UBE2E2: variants seen among roughly 807,000 people sequenced by gnomAD.
UBE2E2 encodes ubiquitin-conjugating enzyme E2 E2.
UBE2E2 carries 6 observed loss-of-function variants against 24.7 expected under a neutral mutation model. The observed-to-expected ratio is 0.24, with a 90% CI of 0.13 to 0.48. The LOEUF is 0.48. UBE2E2 is among the 20% of genes least tolerant of loss of function. The pLI, the probability that UBE2E2 is intolerant of heterozygous loss-of-function variation, is 0.99. For missense variants in UBE2E2, 169 were observed against 245.0 expected (o/e 0.69, Z 2.07); for synonymous variants, 104 against 83.6 (o/e 1.24, Z -1.33).
chr3:23,293,304 A>G (rs1474639735), intron 3 of UBE2E2, among the ~76,000 whole-genome samples: 2 of 152,218 alleles, frequency 1.3e-5, no homozygotes, highest in Non-Finnish European at 2.9e-5. Flanking sequence ...CATTTAATAC[A>G]TGTGAAAACC....
chr3:23,342,263 C>T, intron 3 of UBE2E2, among the ~76,000 whole-genome samples: 1 of 151,360 alleles, frequency 6.6e-6, no homozygotes, highest in South Asian at 2.1e-4. Context: ...TGGCTCACTG[C>T]AGCCTCAAGC....
intron 3 of UBE2E2, among the ~76,000 whole-genome samples, chr3:23,465,200 A>G (rs533414008): frequency 6.6e-6 from 1 of 152,186 alleles, no homozygotes; most frequent in African/African-American, 2.4e-5. Flanking sequence ...TAGTAGCTTC[A>G]TTGAGGGAAC....
At chr3:23,311,103 C>T (rs542820953) in intron 3 of UBE2E2, among the ~76,000 whole-genome samples, 9 of 152,160 alleles carry the variant, frequency 5.9e-5, no homozygotes, top group Non-Finnish European at 1.0e-4. Context: ...TGAGAACATG[C>T]GGTGTTTGGT....
At chr3:23,568,695 A>ATATATG in intron 5 of UBE2E2, among the ~76,000 whole-genome samples, 1 of 94,456 alleles carries the variant, frequency 1.1e-5, no homozygotes, top group South Asian at 3.4e-4. Context: ...ATATATACAC[A>ATATATG]CATATATATA....
intron 3 of UBE2E2, among the ~76,000 whole-genome samples, chr3:23,399,383 T>C (rs1697161152): frequency 6.6e-6 from 1 of 152,148 alleles, no homozygotes; most frequent in Admixed American, 6.5e-5. Flanking sequence ...CCTAAGTGAC[T>C]AAAGGGCAGA....
At chr3:23,427,554 A>C (rs999008821) in intron 3 of UBE2E2, among the ~76,000 whole-genome samples, 2 of 152,262 alleles carry the variant, frequency 1.3e-5, no homozygotes, top group Non-Finnish European at 2.9e-5. Context: ...ATAGATAATA[A>C]TTAAACTATA....
At chr3:23,215,593 T>G (rs6799861) in intron 2 of UBE2E2, among the ~76,000 whole-genome samples, 48,891 of 152,098 alleles carry the variant, frequency 0.32, 8,032 homozygotes, top group Non-Finnish European at 0.35. Context: ...GTAGTCTGTT[T>G]TATTGGTATA....
chr3:23,459,433 T>C (rs2125423810), intron 3 of UBE2E2, among the ~76,000 whole-genome samples: 1 of 152,330 alleles, frequency 6.6e-6, no homozygotes, highest in South Asian at 2.1e-4. Context: ...TAAAAACTGC[T>C]TTTTTGAGAA....
rs35163126 is a variant in UBE2E2 at position 23,550,032 on chromosome 3, C to CAAAA, written c.508+17343_508+17346dup. 9.3e-5 allele frequency among the ~76,000 whole-genome samples: 9 copies of CAAAA among 96,398 alleles called. No homozygotes were observed. The South Asian group carries it at 2.1e-3, about 22-fold the overall frequency. 63.2% of individuals were successfully genotyped at this position (96,398 alleles called of 152,430 possible). On this transcript the variant is annotated intron_variant, in intron 5 of 5. Transcript: ENST00000396703. ...TGGGTAACAGAGAGAGACTCCATCT[C>CAAAA]AAAAAAAAAAAAAAAGCAATTTCAT... is the stretch of plus-strand genomic sequence containing the variant.
intron 5 of UBE2E2, among the ~76,000 whole-genome samples, chr3:23,564,975 C>T (rs1396448018): frequency 2.6e-5 from 4 of 152,236 alleles, no homozygotes; most frequent in Middle Eastern, 3.4e-3. Flanking sequence ...GTGTGCCAGA[C>T]ATTGTGCTAG....
At chr3:23,362,379 A>G (rs1384029153) in intron 3 of UBE2E2, among the ~76,000 whole-genome samples, 6 of 152,144 alleles carry the variant, frequency 3.9e-5, no homozygotes, top group African/African-American at 1.4e-4. Flanking sequence ...CTCGAGTCCA[A>G]GGAGACCACT....
intron 3 of UBE2E2, among the ~76,000 whole-genome samples, chr3:23,433,565 T>G (rs1361956798): frequency 6.6e-6 from 1 of 152,014 alleles, no homozygotes; most frequent in Admixed American, 6.5e-5. Flanking sequence ...TCTGATGATA[T>G]CTTATTGGCT....
intron 5 of UBE2E2, among the ~76,000 whole-genome samples, chr3:23,573,789 T>C (rs1272611979): frequency 6.6e-6 from 1 of 152,170 alleles, no homozygotes; most frequent in East Asian, 1.9e-4. Context: ...GTGGATTTTG[T>C]GGGCAATGTA....
chr3:23,449,661 T>C (rs899771513), intron 3 of UBE2E2, among the ~76,000 whole-genome samples: 5 of 152,252 alleles, frequency 3.3e-5, no homozygotes, highest in African/African-American at 1.2e-4. Context: ...CTGGTAATAC[T>C]GCAGGTGATT....
At chr3:23,288,903 C>T (rs1427382725) in intron 3 of UBE2E2, among the ~76,000 whole-genome samples, 1 of 152,166 alleles carries the variant, frequency 6.6e-6, no homozygotes, top group Non-Finnish European at 1.5e-5. Context: ...AATACATATT[C>T]TCTCTTCACA....
chr3:23,416,838 A>C (rs1029429224), intron 3 of UBE2E2, among the ~76,000 whole-genome samples: 2 of 152,048 alleles, frequency 1.3e-5, no homozygotes, highest in African/African-American at 4.8e-5. Flanking sequence ...TGCTTGATCA[A>C]TTCGGCTATT....
intron 5 of UBE2E2, among the ~76,000 whole-genome samples, chr3:23,588,256 T>C (rs1187296741): frequency 1.3e-5 from 2 of 152,174 alleles, no homozygotes; most frequent in Non-Finnish European, 2.9e-5. Flanking sequence ...ACTGCTCTAA[T>C]ATACCCAAAT....
intron 3 of UBE2E2, among the ~76,000 whole-genome samples, chr3:23,326,129 T>G (rs531704757): frequency 7.4e-4 from 113 of 152,342 alleles, no homozygotes; most frequent in African/African-American, 2.6e-3. Flanking sequence ...TGGAGTGCAG[T>G]GGCGCGATCT....
chr3:23,482,376 T>A (rs1287695235), intron 3 of UBE2E2, among the ~76,000 whole-genome samples: 1 of 152,106 alleles, frequency 6.6e-6, no homozygotes, highest in Non-Finnish European at 1.5e-5. Flanking sequence ...TTGCTTATCA[T>A]CTCTTTCCAC....
Sources: gnomAD v4.1 joint callset for allele counts (sites outside exome capture counted in the v4.1 genomes callset) on GRCh38, gnomAD v4.1.1 for gene constraint, MANE v1.5 for transcripts, NCBI Gene and HGNC (gene_info 2026-07-23, HGNC 2026-07-21) for gene names.